Variants in NKAIN2 observed in about 807,000 individuals in gnomAD.
NKAIN2 encodes sodium/potassium transporting ATPase interacting 2.
In NKAIN2, 14 loss-of-function variants were observed where a neutral mutation model predicts 32.6. The observed-to-expected ratio is 0.43, with a 90% confidence interval of 0.28 to 0.67. The LOEUF is 0.67. NKAIN2 is among the 30% of genes least tolerant of loss of function. The pLI is 0.17. For missense variants in NKAIN2, 198 were observed against 258.3 expected, an observed-to-expected ratio of 0.77 and a Z score of 1.60; for synonymous variants, 80 against 87.2, an observed-to-expected ratio of 0.92 and a Z score of 0.46.
intron 3 of NKAIN2, among the ~76,000 whole-genome samples, chr6:124,441,049 A>G (rs77322397): frequency 0.021 from 3,122 of 152,206 alleles, 118 homozygotes; most frequent in African/African-American, 0.071. Context: ...CACTTGGATA[A>G]TTGTGTCTTA....
intron 3 of NKAIN2, among the ~76,000 whole-genome samples, chr6:124,565,140 G>A (rs938711247): frequency 6.6e-6 from 1 of 152,030 alleles, no homozygotes; most frequent in African/African-American, 2.4e-5. Flanking sequence ...AGTCTCACAG[G>A]GCAATAGAGG....
chr6:124,507,768 A>T (rs1380417078), intron 3 of NKAIN2, among the ~76,000 whole-genome samples: 1 of 152,200 alleles, frequency 6.6e-6, no homozygotes, highest in Non-Finnish European at 1.5e-5. Flanking sequence ...GGACAGCAAG[A>T]ACTGTTGAGT....
chr6:124,794,635 C>T (rs181627457), intron 5 of NKAIN2, among the ~76,000 whole-genome samples: 5 of 152,120 alleles, frequency 3.3e-5, no homozygotes, highest in African/African-American at 4.8e-5. Context: ...AGTAGACTGA[C>T]GCTTGCCTCA....
chr6:123,919,532 C>T (rs1775650331), intron 1 of NKAIN2, among the ~76,000 whole-genome samples: 1 of 152,002 alleles, frequency 6.6e-6, no homozygotes, highest in Non-Finnish European at 1.5e-5. Flanking sequence ...ACAAACAGTG[C>T]CATTGGGATA....
chr6:123,862,033 A>G (rs1489248653), intron 1 of NKAIN2, among the ~76,000 whole-genome samples: 3 of 152,172 alleles, frequency 2.0e-5, no homozygotes, highest in East Asian at 3.9e-4. Flanking sequence ...TATTACTACC[A>G]CTGACATTCT....
chr6:124,113,741 T>C (rs1212220471), intron 1 of NKAIN2, among the ~76,000 whole-genome samples: 1 of 152,020 alleles, frequency 6.6e-6, no homozygotes, highest in Admixed American at 6.6e-5. Flanking sequence ...GGAACCACAC[T>C]GAGACAAGGG....
At chr6:124,094,976 TACTTA>T (rs1784591426) in intron 1 of NKAIN2, among the ~76,000 whole-genome samples, 1 of 152,136 alleles carries the variant, frequency 6.6e-6, no homozygotes, top group African/African-American at 2.4e-5. Context: ...ACGAACAGAG[TACTTA>T]ACTTTTTTAA....
At chr6:123,918,067 C>G (rs966833458) in intron 1 of NKAIN2, among the ~76,000 whole-genome samples, 4 of 152,104 alleles carry the variant, frequency 2.6e-5, no homozygotes, top group African/African-American at 9.7e-5. Context: ...TTAATACTAT[C>G]CATGCTCTTG....
intron 1 of NKAIN2, among the ~76,000 whole-genome samples, chr6:123,873,715 T>A (rs917742347): frequency 5.3e-5 from 8 of 152,022 alleles, no homozygotes; most frequent in Non-Finnish European, 2.9e-5. Flanking sequence ...GAGGAAAGAG[T>A]GAACTCACAG....
intron 1 of NKAIN2, among the ~76,000 whole-genome samples, chr6:123,933,897 T>C (rs1776384372): frequency 6.6e-6 from 1 of 152,188 alleles, no homozygotes; most frequent in Non-Finnish European, 1.5e-5. Flanking sequence ...GCAGACAAAA[T>C]TACTGATAAA....
At chr6:124,030,697 A>G (rs1234960439) in intron 1 of NKAIN2, among the ~76,000 whole-genome samples, 1 of 152,178 alleles carries the variant, frequency 6.6e-6, no homozygotes, top group Non-Finnish European at 1.5e-5. Context: ...ATGACTTCAC[A>G]ATTACATAGG....
At chr6:124,087,845 T>C (rs1784253134) in intron 1 of NKAIN2, among the ~76,000 whole-genome samples, 1 of 151,970 alleles carries the variant, frequency 6.6e-6, no homozygotes, top group African/African-American at 2.4e-5. Flanking sequence ...GGAAAATGTG[T>C]TAGCTATACT....
chr6:124,238,671 G>A (rs1792910719), intron 1 of NKAIN2, among the ~76,000 whole-genome samples: 1 of 151,990 alleles, frequency 6.6e-6, no homozygotes, highest in Admixed American at 6.6e-5. Flanking sequence ...GACAGTGGGT[G>A]CAGCCCAAGC....
At chr6:123,903,596 C>A (rs1211976851) in intron 1 of NKAIN2, among the ~76,000 whole-genome samples, 2 of 152,074 alleles carry the variant, frequency 1.3e-5, no homozygotes. Flanking sequence ...CAAACTTAGC[C>A]CCCTTTTTTC....
intron 2 of NKAIN2, among the ~76,000 whole-genome samples, chr6:124,339,989 G>A (rs1798053110): frequency 6.6e-6 from 1 of 152,050 alleles, no homozygotes; most frequent in Non-Finnish European, 1.5e-5. Flanking sequence ...CAGAACCAGA[G>A]ACAATTTTAT....
At position 124,044,538 on chromosome 6, in the gene NKAIN2, G is replaced by C. The variant is rs149974819; in HGVS notation, c.55-238467G>C. On this transcript the variant is annotated intron_variant, in intron 1 of 6. Coordinates refer to ENST00000368417, the MANE Select transcript of NKAIN2 (RefSeq NM_001040214.3). The stretch of plus-strand genomic sequence containing the variant: ...GTGGAGGGACCAGTCCCAAAGACTG[G>C]AAGTTTCTTCTGAGGACTATAGCCA... Among the ~76,000 whole-genome samples, 799 of 152,128 alleles carry C rather than the reference G, an allele frequency of 5.3e-3. 8 individuals are homozygous for C. The highest frequency in any genetic ancestry group is 0.019 in the African/African-American group (778 of 41,542).
At chr6:124,466,700 G>A (rs1776771191) in intron 3 of NKAIN2, among the ~76,000 whole-genome samples, 2 of 148,902 alleles carry the variant, frequency 1.3e-5, no homozygotes, top group African/African-American at 5.0e-5. Context: ...ATTTCTCCAA[G>A]TTACATATGG....
At chr6:123,852,677 G>T (rs1775400163) in intron 1 of NKAIN2, among the ~76,000 whole-genome samples, 1 of 152,102 alleles carries the variant, frequency 6.6e-6, no homozygotes, top group Non-Finnish European at 1.5e-5. Context: ...TTAAAAAGAA[G>T]GAAATCCTAT....
chr6:123,923,560 G>A (rs1775860979), intron 1 of NKAIN2, among the ~76,000 whole-genome samples: 1 of 151,672 alleles, frequency 6.6e-6, no homozygotes, highest in South Asian at 2.1e-4. Flanking sequence ...AACAATGATA[G>A]ACTGGATTAA....
Sources: gnomAD v4.1 joint callset for allele counts (sites outside exome capture counted in the v4.1 genomes callset) on GRCh38, gnomAD v4.1.1 for gene constraint, MANE v1.5 for transcripts, NCBI Gene and HGNC (gene_info 2026-07-23, HGNC 2026-07-21) for gene names.